Variants in CNKSR3 observed in about 807,000 individuals in gnomAD.
CNKSR3 encodes connector enhancer of kinase suppressor of ras 3.
A neutral mutation model predicts 67.7 loss-of-function variants in CNKSR3; 36 were observed. The ratio of observed to expected loss-of-function variants is 0.53; its 90% confidence interval spans 0.41 to 0.70. The LOEUF (loss-of-function observed/expected upper bound fraction) is 0.70, where lower values mean the gene tolerates loss of function less well. CNKSR3 is among the 30% of genes least tolerant of loss of function. The probability of loss-of-function intolerance (pLI) is 0.00; values close to 1 mark genes in which losing one functional copy is unlikely to be tolerated. For synonymous variants in CNKSR3, 281 were observed against 271.4 expected (o/e 1.04, Z -0.35); for missense variants, 630 against 695.2 (o/e 0.91, Z 1.05).
chr6:154,442,331 C>T (rs906391462), intron 2 of CNKSR3, 41 bp from the exon 3 acceptor site: 4 of 1,571,496 alleles, frequency 2.5e-6, no homozygotes, highest in Non-Finnish European at 2.6e-6. Context: ...CAAAACAATG[C>T]ACAATATTCG....
chr6:154,437,938 T>G (rs1232300733), intron 4 of CNKSR3, among the ~76,000 whole-genome samples: 1 of 152,124 alleles, frequency 6.6e-6, no homozygotes, highest in Non-Finnish European at 1.5e-5. Flanking sequence ...AGAAAACAAG[T>G]ACAAGGCAAG....
chr6:154,438,501 C>A (rs1582860137), intron 4 of CNKSR3, among the ~76,000 whole-genome samples: 1 of 152,094 alleles, frequency 6.6e-6, no homozygotes, highest in African/African-American at 2.4e-5. Context: ...GAAATCCCAC[C>A]AAATTATCTG....
Position 154,397,293 on chromosome 6 carries a change from T to G in CNKSR3, c.*9061A>C, listed in dbSNP as rs1784671207. ...AGCACTTTCTAGTAAAACATAGTAC[T>G]CTAAACACGGTTAGCTTACATGTTC... is the stretch of plus-strand genomic sequence containing the variant. On this transcript the variant is annotated 3_prime_UTR_variant, in exon 13 of 13. Coordinates refer to ENST00000607772, the MANE Select transcript of CNKSR3 (RefSeq NM_173515.4). The G allele has an allele frequency of 6.6e-6, 1 of 152,242 alleles. No homozygotes were observed. Among genetic ancestry groups the G allele is most frequent in the Non-Finnish European group, 1.5e-5 (1 of 68,050 alleles). The allele number at this position is 152,242 out of a possible 1,614,324, so 9.4% of individuals were successfully genotyped here.
intron 1 of CNKSR3, among the ~76,000 whole-genome samples, chr6:154,464,822 G>T (rs1786159405): frequency 6.6e-6 from 1 of 152,060 alleles, no homozygotes; most frequent in South Asian, 2.1e-4. Flanking sequence ...CATGGCATAG[G>T]AGGGAGAGAG....
intron 1 of CNKSR3, among the ~76,000 whole-genome samples, chr6:154,456,631 T>C (rs6933086): frequency 0.037 from 5,151 of 139,192 alleles, 244 homozygotes; most frequent in African/African-American, 0.12. Flanking sequence ...CAGTTGAACC[T>C]GGGAGATGGA....
At chr6:154,449,123 A>T (rs9383709) in intron 2 of CNKSR3, among the ~76,000 whole-genome samples, 102,789 of 152,074 alleles carry the variant, frequency 0.68, 35,091 homozygotes, top group East Asian at 0.9. Flanking sequence ...GCAGGATTTT[A>T]CTCATTCATG....
chr6:154,416,801 C>T (rs918510096), intron 9 of CNKSR3, among the ~76,000 whole-genome samples: 2 of 152,102 alleles, frequency 1.3e-5, no homozygotes, highest in African/African-American at 4.8e-5. Flanking sequence ...CTGGGCACAT[C>T]GCAAGAACAC....
chr6:154,413,746 T>A (rs1483910278), intron 10 of CNKSR3, among the ~76,000 whole-genome samples: 1 of 152,052 alleles, frequency 6.6e-6, no homozygotes, highest in East Asian at 1.9e-4. Context: ...GGTATTGCTA[T>A]ATCCTTTTGT....
chr6:154,483,560 A>C (rs1786609464), intron 1 of CNKSR3, among the ~76,000 whole-genome samples: 1 of 152,150 alleles, frequency 6.6e-6, no homozygotes, highest in Non-Finnish European at 1.5e-5. Context: ...TTTAAAAAAA[A>C]AACGAAACAA....
At chr6:154,505,460 G>A (rs564155341) in intron 1 of CNKSR3, among the ~76,000 whole-genome samples, 93 of 150,870 alleles carry the variant, frequency 6.2e-4, no homozygotes, top group Non-Finnish European at 1.1e-3. Flanking sequence ...TTTTAGAGAT[G>A]TGCTGACTCA....
intron 1 of CNKSR3, among the ~76,000 whole-genome samples, chr6:154,468,682 CTGAA>C (rs1786261793): frequency 6.6e-6 from 1 of 152,068 alleles, no homozygotes; most frequent in African/African-American, 2.4e-5. Context: ...TAAATAACTA[CTGAA>C]TGAATGAAGA....
intron 1 of CNKSR3, among the ~76,000 whole-genome samples, chr6:154,499,133 T>C (rs1786933135): frequency 6.6e-6 from 1 of 152,208 alleles, no homozygotes; most frequent in African/African-American, 2.4e-5. Context: ...ATACCAGCTT[T>C]AACTCTTCCC....
chr6:154,455,071 G>A (rs1368927566), intron 1 of CNKSR3, among the ~76,000 whole-genome samples: 1 of 151,428 alleles, frequency 6.6e-6, no homozygotes, highest in African/African-American at 2.4e-5. Context: ...CACTTTGGGA[G>A]GCCAAGGAGG....
At chr6:154,479,553 T>C (rs1045238663) in intron 1 of CNKSR3, among the ~76,000 whole-genome samples, 1 of 151,852 alleles carries the variant, frequency 6.6e-6, no homozygotes, top group Non-Finnish European at 1.5e-5. Context: ...ATATTTCACA[T>C]AAACACAGAT....
intron 10 of CNKSR3, among the ~76,000 whole-genome samples, chr6:154,412,755 C>G (rs1584053986): frequency 6.6e-6 from 1 of 152,086 alleles, no homozygotes; most frequent in East Asian, 1.9e-4. Context: ...AAATGAAAAC[C>G]AACAAACAAA....
chr6:154,453,351 T>C (rs1414614121), intron 1 of CNKSR3, among the ~76,000 whole-genome samples: 1 of 152,126 alleles, frequency 6.6e-6, no homozygotes, highest in Non-Finnish European at 1.5e-5. Flanking sequence ...ATGGGAGGAA[T>C]GGTGAGAGTT....
chr6:154,410,429 T>A lies in CNKSR3; in HGVS notation c.1283A>T (p.Lys428Met). The change falls in exon 12 of 13, where the codon AAG becomes ATG. Residue 428 changes from lysine to methionine, a missense_variant. By Grantham distance (95) the Lys-to-Met change is moderately conservative. This residue lies in a region of CNKSR3 where 308 missense variants were observed against 299.6 expected (regional missense o/e 1.03). Coordinates refer to ENST00000607772, the MANE Select transcript of CNKSR3 (RefSeq NM_173515.4). ...KMREKTPSYG[K>M]PRPLSMPADG... ...AGCAGGCATGGACAAAGGCCGTGGC[T>A]TGCCTTCAGAGGGACGAGAAAGAAG... 6.2e-7 allele frequency: 1 copy of A among 1,613,362 alleles called. No individual in the cohort carries two copies. The highest frequency in any genetic ancestry group is 8.5e-7 in the Non-Finnish European group (1 of 1,179,282).
rs139207449 is a variant in CNKSR3, at chr6:154,412,283, T to C, written c.1071-1141A>G. 1.4e-4 allele frequency among the ~76,000 whole-genome samples: 21 copies of C among 152,340 alleles called. No homozygotes were observed. The East Asian group carries it at 2.9e-3, about 21-fold the overall frequency. On this transcript the variant is annotated intron_variant, in intron 10 of 12. Coordinates refer to ENST00000607772, the MANE Select transcript of CNKSR3 (RefSeq NM_173515.4). ...AAGCTTTCATGACTCATGACTTGTTTCTCAGTAATCCATTCCCATTTTTCA... is the reference window on the plus strand; with the variant it reads ...AAGCTTTCATGACTCATGACTTGTTCCTCAGTAATCCATTCCCATTTTTCA...
rs1318163214 is a variant in CNKSR3 at position 154,395,313 on chromosome 6, T to C, written c.*11041A>G. ...AAAGTACTCCAAAGAATTGGGAAAA[T>C]GATCATACAGAGCCCTGGTAACAGT... On this transcript the variant is annotated 3_prime_UTR_variant, in exon 13 of 13. Coordinates refer to ENST00000607772, the MANE Select transcript of CNKSR3 (RefSeq NM_173515.4). 2.0e-5 allele frequency: 3 copies of C among 151,878 alleles called. No homozygotes were observed. Among genetic ancestry groups the C allele is most frequent in the Admixed American group, 6.6e-5 (1 of 15,194 alleles). The allele number at this position is 151,878 out of a possible 1,614,324, so 9.4% of individuals were successfully genotyped here.
Sources: gnomAD v4.1 joint callset for allele counts (sites outside exome capture counted in the v4.1 genomes callset) on GRCh38, gnomAD v4.1.1 for gene constraint, gnomAD v4.1.1 regional missense constraint, MANE v1.5 for transcripts, NCBI Gene and HGNC (gene_info 2026-07-23, HGNC 2026-07-21) for gene names.